RYR3: variants seen among roughly 807,000 people sequenced by gnomAD.
RYR3 encodes brain ryanodine receptor-calcium release channel.
In RYR3, 207 loss-of-function variants were observed where a neutral mutation model predicts 584.3. The observed-to-expected ratio is 0.35, with a 90% CI of 0.32 to 0.40. The LOEUF (loss-of-function observed/expected upper bound fraction) is 0.40. Ranked by LOEUF, RYR3 falls within the 10% of genes least tolerant of loss-of-function variation. The pLI, the probability that RYR3 is intolerant of heterozygous loss-of-function variation, is 1.00. For missense variants in RYR3, 5,616 were observed against 6,089.2 expected (o/e 0.92, Z 2.59); for synonymous variants, 2,416 against 2,248.5 (o/e 1.07, Z -2.11).
chr15:33,399,689 T>C (rs992416701), intron 1 of RYR3, among the ~76,000 whole-genome samples: 7 of 152,132 alleles, frequency 4.6e-5, no homozygotes, highest in Non-Finnish European at 1.0e-4. Flanking sequence ...GGGCGACAGC[T>C]GCTTTACCTG....
chr15:33,633,457 G>A (rs1170350216), intron 24 of RYR3, among the ~76,000 whole-genome samples: 1 of 152,238 alleles, frequency 6.6e-6, no homozygotes, highest in Non-Finnish European at 1.5e-5. Flanking sequence ...GGCCTGAGCA[G>A]GAGGCAGCTT....
At chr15:33,859,498 C>T in intron 99 of RYR3, 77 bp from the exon 100 acceptor site, 1 of 1,534,442 alleles carries the variant, frequency 6.5e-7, no homozygotes, top group African/African-American at 1.4e-5. Flanking sequence ...CTGACCGAAT[C>T]ATATGAATGA....
intron 3 of RYR3, among the ~76,000 whole-genome samples, chr15:33,519,950 A>G (rs751587897): frequency 6.6e-6 from 1 of 152,198 alleles, no homozygotes; most frequent in African/African-American, 2.4e-5. Flanking sequence ...TTATGTGGAT[A>G]TAGAGAGAAC....
intron 18 of RYR3, among the ~76,000 whole-genome samples, chr15:33,603,822 T>G (rs2059786255): frequency 6.6e-6 from 1 of 152,264 alleles, no homozygotes; most frequent in African/African-American, 2.4e-5. Context: ...GATCCAGACC[T>G]GACTACAAGT....
chr15:33,449,823 G>A (rs540652217), intron 1 of RYR3, among the ~76,000 whole-genome samples: 18 of 152,206 alleles, frequency 1.2e-4, no homozygotes, highest in East Asian at 7.7e-4. Context: ...TCATGCTGGT[G>A]TGAAAGGAAG....
chr15:33,418,198 G>A (rs920983804), intron 1 of RYR3, among the ~76,000 whole-genome samples: 1 of 152,004 alleles, frequency 6.6e-6, no homozygotes, highest in African/African-American at 2.4e-5. Context: ...TTTATAGAAT[G>A]AGTTAGAGAG....
At position 33,742,331 on chromosome 15, in the gene RYR3, T is replaced by C. The variant is rs1567071549; in HGVS notation, c.7821-35T>C. The C allele has an allele frequency of 9.6e-6, 13 of 1,351,032 alleles. No homozygotes were observed. In the Admixed American group the frequency reaches 1.2e-4, roughly 12 times the overall value. 83.7% of individuals were successfully genotyped at this position (1,351,032 alleles called of 1,614,324 possible). On this transcript the variant is annotated intron_variant, in intron 51 of 103. Coordinates refer to ENST00000634891, the MANE Select transcript of RYR3 (RefSeq NM_001036.6). ...TTCTACTATGTCTGGCTGAAGTGCTTGGGGAGGTTGTAATTTTTTTTCCTC... is the reference window on the plus strand; with the variant it reads ...TTCTACTATGTCTGGCTGAAGTGCTCGGGGAGGTTGTAATTTTTTTTCCTC...
intron 50 of RYR3, 65 bp downstream of exon 50, chr15:33,738,655 C>T: frequency 6.4e-7 from 1 of 1,570,820 alleles, no homozygotes; most frequent in Non-Finnish European, 8.7e-7. Context: ...CAGATAATAA[C>T]AGCCGTCATC....
At chr15:33,323,770 T>C (rs1004913183) in intron 1 of RYR3, among the ~76,000 whole-genome samples, 9 of 152,118 alleles carry the variant, frequency 5.9e-5, no homozygotes, top group Admixed American at 4.6e-4. Flanking sequence ...CCCAGCTGTT[T>C]GGGAGGTGGT....
chr15:33,825,815 C>T (rs2077351881), intron 82 of RYR3, 139 bp downstream of exon 82: 1 of 576,836 alleles, frequency 1.7e-6, no homozygotes, highest in South Asian at 2.1e-5. Context: ...TCACTGCAAC[C>T]TCTGTCTCCT....
chr15:33,411,602 AT>A (rs1467969128), intron 1 of RYR3, among the ~76,000 whole-genome samples: 2 of 152,144 alleles, frequency 1.3e-5, no homozygotes, highest in African/African-American at 4.8e-5. Context: ...ATTTCTAGTT[AT>A]TTACTAATTT....
chr15:33,581,449 T>A (rs2058587178), intron 13 of RYR3, 59 bp from the exon 14 acceptor site: 1 of 1,540,602 alleles, frequency 6.5e-7, no homozygotes. Flanking sequence ...GGAAAGAGCA[T>A]AAGGGACTGT....
intron 60 of RYR3, among the ~76,000 whole-genome samples, chr15:33,758,443 C>A (rs538931937): frequency 6.6e-6 from 1 of 152,180 alleles, no homozygotes; most frequent in East Asian, 1.9e-4. Flanking sequence ...CTGGGACACT[C>A]GGGCTTGGTT....
At chr15:33,736,732 T>G (rs1245439173) in intron 49 of RYR3, among the ~76,000 whole-genome samples, 2 of 151,758 alleles carry the variant, frequency 1.3e-5, no homozygotes, top group Non-Finnish European at 2.9e-5. Context: ...TAAGAAATCT[T>G]TTTTGTTTGT....
At chr15:33,487,829 C>G (rs1052321373) in intron 2 of RYR3, among the ~76,000 whole-genome samples, 3 of 152,314 alleles carry the variant, frequency 2.0e-5, no homozygotes, top group Admixed American at 6.5e-5. Context: ...AAACATGGCT[C>G]CACATTCCAG....
intron 102 of RYR3, among the ~76,000 whole-genome samples, chr15:33,862,128 C>A (rs554938319): frequency 6.6e-6 from 1 of 152,280 alleles, no homozygotes; most frequent in South Asian, 2.1e-4. Context: ...TGTAACTGTT[C>A]ATTTACAAGA....
At chr15:33,595,580 G>A (rs761716777) in intron 16 of RYR3, among the ~76,000 whole-genome samples, 20 of 152,110 alleles carry the variant, frequency 1.3e-4, no homozygotes, top group Non-Finnish European at 2.6e-4. Context: ...GACAGTCCCT[G>A]GGCCTTGAGG....
chr15:33,444,345 T>C (rs1035483562), intron 1 of RYR3, among the ~76,000 whole-genome samples: 4 of 149,670 alleles, frequency 2.7e-5, no homozygotes, highest in African/African-American at 7.3e-5. Flanking sequence ...TTAAGAAATA[T>C]TTATTTTGCT....
At chr15:33,694,625 G>T (rs2065707545) in intron 38 of RYR3, among the ~76,000 whole-genome samples, 1 of 152,168 alleles carries the variant, frequency 6.6e-6, no homozygotes, top group Admixed American at 6.5e-5. Flanking sequence ...ACCAGGAGAT[G>T]CAGGAACTTT....
Sources: gnomAD v4.1 joint callset for allele counts (sites outside exome capture counted in the v4.1 genomes callset) on GRCh38, gnomAD v4.1.1 for gene constraint, MANE v1.5 for transcripts, NCBI Gene and HGNC (gene_info 2026-07-23, HGNC 2026-07-21) for gene names.